Variants in RIMBP2 observed in about 807,000 individuals in gnomAD.
RIMBP2 encodes RIMS binding protein 2, also known as RIMS-binding protein 2.
A neutral mutation model predicts 118.6 loss-of-function variants in RIMBP2; 48 were observed. That is an observed-to-expected ratio of 0.40 (90% CI 0.32 to 0.51). The LOEUF is 0.51. Among genes scored for constraint, RIMBP2 ranks in the 20% least tolerant of loss-of-function variants. The pLI, the probability that RIMBP2 is intolerant of heterozygous loss-of-function variation, is 0.41. For missense variants in RIMBP2, 1,551 were observed against 1,768.3 expected (o/e 0.88, Z 2.20); for synonymous variants, 762 against 742.9 (o/e 1.03, Z -0.42).
chr12:130,573,004 T>G (rs1260638672), intron 2 of RIMBP2, among the ~76,000 whole-genome samples: 1 of 152,074 alleles, frequency 6.6e-6, no homozygotes, highest in East Asian at 1.9e-4. Context: ...CGAAGCCTTC[T>G]TCCCACAGCC....
intron 4 of RIMBP2, among the ~76,000 whole-genome samples, chr12:130,490,573 G>C (rs2048546841): frequency 1.3e-5 from 2 of 152,100 alleles, no homozygotes; most frequent in South Asian, 4.1e-4. Flanking sequence ...GAGGTGCTTG[G>C]TTTACCTCAA....
At chr12:130,704,923 T>C (rs574859147) in intron 1 of RIMBP2, among the ~76,000 whole-genome samples, 5 of 152,150 alleles carry the variant, frequency 3.3e-5, no homozygotes, top group Non-Finnish European at 7.4e-5. Context: ...GGGACAGTGA[T>C]ACCCTCCTGT....
chr12:130,590,172 A>G (rs1050701581), intron 2 of RIMBP2, among the ~76,000 whole-genome samples: 2 of 152,204 alleles, frequency 1.3e-5, no homozygotes, highest in African/African-American at 4.8e-5. Flanking sequence ...GTCAAATAAC[A>G]CAATGCCAAG....
At chr12:130,489,380 G>A (rs759568733) in intron 4 of RIMBP2, among the ~76,000 whole-genome samples, 3 of 151,870 alleles carry the variant, frequency 2.0e-5, no homozygotes, top group South Asian at 2.1e-4. Flanking sequence ...ACTGCCTCAG[G>A]TCTCTCAGAT....
intron 1 of RIMBP2, among the ~76,000 whole-genome samples, chr12:130,708,188 A>T (rs1270315875): frequency 1.3e-5 from 2 of 152,188 alleles, no homozygotes; most frequent in Non-Finnish European, 2.9e-5. Flanking sequence ...ACGGCGGGAC[A>T]TCTATAGAGA....
At chr12:130,485,319 A>G (rs540579098) in intron 4 of RIMBP2, among the ~76,000 whole-genome samples, 12 of 152,368 alleles carry the variant, frequency 7.9e-5, no homozygotes, top group Non-Finnish European at 1.6e-4. Context: ...GCATCCCAGC[A>G]GAGCAACAGA....
chr12:130,489,828 G>A (rs2048456094), intron 4 of RIMBP2, among the ~76,000 whole-genome samples: 2 of 152,162 alleles, frequency 1.3e-5, no homozygotes. Context: ...CCAAATTGAT[G>A]ACACATTTCT....
intron 1 of RIMBP2, chr12:130,668,187 A>T (rs562817747): frequency 6.6e-6 from 1 of 152,152 alleles, no homozygotes; most frequent in African/African-American, 2.4e-5. Context: ...ATGCTGAGGA[A>T]TGAGTGTCAC....
intron 5 of RIMBP2, among the ~76,000 whole-genome samples, chr12:130,476,631 C>T (rs1032666037): frequency 1.3e-5 from 2 of 152,226 alleles, no homozygotes; most frequent in African/African-American, 2.4e-5. Flanking sequence ...CACACTCCTG[C>T]CCCAGCCCTC....
intron 1 of RIMBP2, among the ~76,000 whole-genome samples, chr12:130,650,793 T>C (rs1164030731): frequency 1.3e-5 from 2 of 151,662 alleles, no homozygotes; most frequent in Non-Finnish European, 2.9e-5. Context: ...GGGGGAGAGA[T>C]TTTTCCCCTC....
Position 130,551,294 on chromosome 12 carries a change from G to T in RIMBP2, c.-216-33377C>A, listed in dbSNP as rs76090146. ...AAGGTGGAAAGAAGCTGGCATCAGA[G>T]GGGCTTAAATGGCAGGAAAACAATT... On this transcript the variant is annotated intron_variant, in intron 2 of 22. Coordinates refer to ENST00000690449, the MANE Select transcript of RIMBP2 (RefSeq NM_001393629.1). Among the ~76,000 whole-genome samples, 30 of 152,324 alleles carry T rather than the reference G, an allele frequency of 2.0e-4. No individual in the cohort carries two copies. The East Asian group carries it at 5.8e-3, about 29-fold the overall frequency.
intron 2 of RIMBP2, among the ~76,000 whole-genome samples, chr12:130,618,259 T>C (rs112792696): frequency 6.6e-6 from 1 of 152,272 alleles, no homozygotes; most frequent in Non-Finnish European, 1.5e-5. Flanking sequence ...TCACATTCAC[T>C]CCTGGTTTGA....
chr12:130,509,366 C>G (rs1165849220), intron 3 of RIMBP2, among the ~76,000 whole-genome samples: 1 of 152,230 alleles, frequency 6.6e-6, no homozygotes, highest in Non-Finnish European at 1.5e-5. Flanking sequence ...ACACACATCA[C>G]AGCTTGCAGC....
At chr12:130,589,671 C>T (rs558887828) in intron 2 of RIMBP2, among the ~76,000 whole-genome samples, 49 of 152,228 alleles carry the variant, frequency 3.2e-4, no homozygotes, top group African/African-American at 8.7e-4. Flanking sequence ...TTAATCCTTC[C>T]GCAATGTATA....
chr12:130,488,435 C>T (rs534749807), intron 4 of RIMBP2, among the ~76,000 whole-genome samples: 41 of 151,636 alleles, frequency 2.7e-4, no homozygotes, highest in Non-Finnish European at 4.0e-4. Flanking sequence ...TGGTGGGGGC[C>T]GTAAGTTTAA....
chr12:130,709,500 C>G (rs1288509315), intron 1 of RIMBP2, among the ~76,000 whole-genome samples: 1 of 152,234 alleles, frequency 6.6e-6, no homozygotes, highest in East Asian at 1.9e-4. Context: ...AGCCCTTGGC[C>G]CTTGAACATG....
chr12:130,441,824 C>T (rs1418238634), intron 11 of RIMBP2, 24 bp downstream of exon 11: 1 of 1,601,106 alleles, frequency 6.2e-7, no homozygotes, highest in Non-Finnish European at 8.5e-7. Context: ...CCCTGGGGGA[C>T]CCACGGAAGG....
At chr12:130,500,444 C>G (rs565018328) in intron 4 of RIMBP2, among the ~76,000 whole-genome samples, 2 of 152,078 alleles carry the variant, frequency 1.3e-5, no homozygotes, top group Non-Finnish European at 1.5e-5. Context: ...GGTGACTGAG[C>G]GAGACTCCTT....
intron 6 of RIMBP2, among the ~76,000 whole-genome samples, chr12:130,456,907 A>C (rs908886363): frequency 6.6e-6 from 1 of 152,214 alleles, no homozygotes; most frequent in African/African-American, 2.4e-5. Context: ...TGACATGTGC[A>C]GCAGGGGCCG....
Sources: allele counts gnomAD v4.1 joint callset (sites outside exome capture counted in the v4.1 genomes callset), GRCh38; gene constraint gnomAD v4.1.1; transcripts MANE v1.5; gene names NCBI Gene and HGNC (gene_info 2026-07-23, HGNC 2026-07-21).